The following FANCC variants were observed in gnomAD, a reference collection of about 807,000 sequenced individuals.
FANCC encodes the protein FA complementation group C.
FANCC carries 55 observed loss-of-function variants against 71.3 expected under a neutral mutation model. The ratio of observed to expected loss-of-function variants is 0.77; its 90% CI spans 0.62 to 0.97. The LOEUF (loss-of-function observed/expected upper bound fraction) is 0.97, where lower values mean the gene tolerates loss of function less well. Among genes scored for constraint, FANCC ranks in the 50% least tolerant of loss-of-function variants. FANCC has a pLI of 0.00. For missense variants in FANCC, 678 were observed against 670.9 expected, an observed-to-expected ratio of 1.01 and a Z score of -0.12; for synonymous variants, 275 against 244.9, an observed-to-expected ratio of 1.12 and a Z score of -1.15.
intron 4 of FANCC, 101 bp downstream of exon 4, chr9:95,240,545 ACAT>A: frequency 2.7e-6 from 2 of 749,620 alleles, no homozygotes; most frequent in Non-Finnish European, 2.3e-6. Flanking sequence ...AGTTTCTAAA[ACAT>A]CATAGAACTG....
chr9:95,252,913 C>A (rs1444095360), intron 1 of FANCC, among the ~76,000 whole-genome samples: 1 of 150,714 alleles, frequency 6.6e-6, no homozygotes, highest in African/African-American at 2.5e-5. Flanking sequence ...TTTTAATTAG[C>A]CATGCATAAT....
At chr9:95,276,359 T>C (rs1470474960) in intron 1 of FANCC, among the ~76,000 whole-genome samples, 1 of 152,226 alleles carries the variant, frequency 6.6e-6, no homozygotes. Context: ...ATTAATTCAA[T>C]GGGCCAGCTT....
intron 10 of FANCC, among the ~76,000 whole-genome samples, chr9:95,124,385 G>A (rs1825645550): frequency 2.0e-5 from 3 of 152,210 alleles, no homozygotes; most frequent in Admixed American, 2.0e-4. Flanking sequence ...CTCGCTGGTA[G>A]CAAAGGTCCC....
rs968859704 is a variant in FANCC, at chr9:95,181,848, C to T, written c.346-9701G>A. ...AGCCATTGAATGTGCTTAGATCATG[C>T]GAGTGAACTTTCCTAAGAAGGGGAG... On this transcript the variant is annotated intron_variant, in intron 4 of 14. Coordinates refer to ENST00000289081, the MANE Select transcript of FANCC (RefSeq NM_000136.3). 3.3e-5 allele frequency among the ~76,000 whole-genome samples: 5 copies of T among 152,194 alleles called. No homozygotes were observed. The East Asian group carries it at 5.8e-4, about 18-fold the overall frequency.
intron 1 of FANCC, among the ~76,000 whole-genome samples, chr9:95,250,589 G>A (rs1303596989): frequency 6.6e-6 from 1 of 152,212 alleles, no homozygotes; most frequent in East Asian, 1.9e-4. Context: ...TTTAATAATA[G>A]AGGGAATATA....
intron 4 of FANCC, among the ~76,000 whole-genome samples, chr9:95,198,999 T>C (rs1331926801): frequency 2.0e-5 from 3 of 152,158 alleles, no homozygotes; most frequent in Non-Finnish European, 2.9e-5. Flanking sequence ...AGTACTGAGA[T>C]TACAGGTGTG....
At chr9:95,165,621 T>C (rs1054191788) in intron 6 of FANCC, among the ~76,000 whole-genome samples, 1 of 152,070 alleles carries the variant, frequency 6.6e-6, no homozygotes, top group African/African-American at 2.4e-5. Flanking sequence ...CTGATTTCTA[T>C]TCCCTTGTGG....
intron 4 of FANCC, among the ~76,000 whole-genome samples, chr9:95,202,703 G>A (rs1827876769): frequency 6.6e-6 from 1 of 152,226 alleles, no homozygotes; most frequent in South Asian, 2.1e-4. Context: ...AATAGAAAGT[G>A]TGAAATAAGA....
chr9:95,305,273 A>C (rs1406198889), intron 1 of FANCC, among the ~76,000 whole-genome samples: 1 of 152,238 alleles, frequency 6.6e-6, no homozygotes, highest in African/African-American at 2.4e-5. Flanking sequence ...ATGCTCTTAA[A>C]TTTGGCAAAC....
intron 4 of FANCC, among the ~76,000 whole-genome samples, chr9:95,198,495 G>A (rs76459163): frequency 0.037 from 5,566 of 152,144 alleles, 304 homozygotes; most frequent in African/African-American, 0.12. Context: ...TACCCTGTTG[G>A]TCAGGGAAGA....
chr9:95,171,056 AG>A (rs1299487875), intron 6 of FANCC, 22 bp downstream of exon 6: 1 of 1,590,002 alleles, frequency 6.3e-7, no homozygotes, highest in South Asian at 1.1e-5. Flanking sequence ...CCTGAGAAGA[AG>A]GATGTTTAGT....
chr9:95,159,573 G>A (rs1429061848), intron 6 of FANCC, among the ~76,000 whole-genome samples: 1 of 152,200 alleles, frequency 6.6e-6, no homozygotes, highest in East Asian at 1.9e-4. Flanking sequence ...GGATCAAATG[G>A]TATTTCTAGT....
chr9:95,143,768 C>A (rs889209500), intron 7 of FANCC, among the ~76,000 whole-genome samples: 9 of 152,310 alleles, frequency 5.9e-5, no homozygotes, highest in Admixed American at 6.5e-5. Context: ...TCCAGACTTA[C>A]AAAAGGACCT....
intron 4 of FANCC, among the ~76,000 whole-genome samples, chr9:95,182,607 C>T (rs1038558085): frequency 3.3e-5 from 5 of 152,146 alleles, no homozygotes; most frequent in Non-Finnish European, 2.9e-5. Context: ...AGCCACTCTC[C>T]TGGGACCACT....
chr9:95,122,879 C>T (rs1019422635), intron 10 of FANCC, among the ~76,000 whole-genome samples: 17 of 152,220 alleles, frequency 1.1e-4, no homozygotes, highest in East Asian at 3.9e-4. Flanking sequence ...TCAAAATAAC[C>T]GTGAGGGCCA....
chr9:95,144,453 G>A (rs530871429), intron 7 of FANCC, among the ~76,000 whole-genome samples: 1 of 152,348 alleles, frequency 6.6e-6, no homozygotes, highest in South Asian at 2.1e-4. Flanking sequence ...TGCTTGGGGA[G>A]CCGCTGCCCT....
chr9:95,204,953 T>C (rs927234861), intron 4 of FANCC, among the ~76,000 whole-genome samples: 1 of 152,194 alleles, frequency 6.6e-6, no homozygotes, highest in Non-Finnish European at 1.5e-5. Context: ...CAGCAATTTT[T>C]GTCTTAAATT....
chr9:95,133,607 G>A (rs1827225643), intron 8 of FANCC, among the ~76,000 whole-genome samples: 1 of 152,200 alleles, frequency 6.6e-6, no homozygotes, highest in East Asian at 1.9e-4. Context: ...AAAAGGACAT[G>A]GAGAAGGTTC....
At chr9:95,266,456 T>C (rs1017550635) in intron 1 of FANCC, among the ~76,000 whole-genome samples, 1 of 152,190 alleles carries the variant, frequency 6.6e-6, no homozygotes, top group Non-Finnish European at 1.5e-5. Flanking sequence ...CACTTTCCTC[T>C]TCAGAACCAC....
Sources: gnomAD v4.1 joint callset for allele counts (sites outside exome capture counted in the v4.1 genomes callset) on GRCh38, gnomAD v4.1.1 for gene constraint, MANE v1.5 for transcripts, NCBI Gene and HGNC (gene_info 2026-07-23, HGNC 2026-07-21) for gene names.